NRG1: variants seen among roughly 807,000 people sequenced by gnomAD.
The protein encoded by NRG1 is pro-neuregulin-1, membrane-bound isoform.
A neutral mutation model predicts 63.8 loss-of-function variants in NRG1; 18 were observed. That is an observed-to-expected ratio of 0.28 (90% CI 0.19 to 0.42). The LOEUF is 0.42. NRG1 is among the 10% of genes least tolerant of loss of function. The pLI, the probability that NRG1 is intolerant of heterozygous loss-of-function variation, is 1.00. For synonymous variants in NRG1, 302 were observed against 301.3 expected, an observed-to-expected ratio of 1.00 and a Z score of -0.02; for missense variants, 762 against 814.7, an observed-to-expected ratio of 0.94 and a Z score of 0.79.
chr8:32,406,601 A>G (rs2129485063), intron 1 of NRG1, among the ~76,000 whole-genome samples: 1 of 152,264 alleles, frequency 6.6e-6, no homozygotes. Flanking sequence ...TTTAGAACAC[A>G]AAGCAAGTGG....
chr8:31,656,492 T>C (rs996916094), intron 1 of NRG1, among the ~76,000 whole-genome samples: 2 of 152,140 alleles, frequency 1.3e-5, no homozygotes, highest in African/African-American at 2.4e-5. Context: ...CGGTTAAGAT[T>C]GGGTTTTAGT....
In NRG1 at chr8:32,197,823, T is replaced by G. The variant is rs539937738; in HGVS notation, c.38-398005T>G. ...CTCCCTCTTCTGCATATTTTGAACT[T>G]GCAAAGCCTTCTGATATTTTAAGCA... On this transcript the variant is annotated intron_variant, in intron 1 of 10. Transcript: ENST00000519301. 7.2e-5 allele frequency among the ~76,000 whole-genome samples: 11 copies of G among 152,340 alleles called. No individual in the cohort carries two copies. The East Asian group carries it at 1.9e-3, about 27-fold the overall frequency.
intron 1 of NRG1, among the ~76,000 whole-genome samples, chr8:32,280,623 A>C (rs1008232504): frequency 1.4e-4 from 20 of 146,870 alleles, no homozygotes; most frequent in African/African-American, 4.8e-4. Flanking sequence ...GTGGTGAAAA[A>C]TTCTGGATAC....
chr8:32,678,195 T>C (rs2128910139), intron 5 of NRG1, among the ~76,000 whole-genome samples: 1 of 152,312 alleles, frequency 6.6e-6, no homozygotes, highest in South Asian at 2.1e-4. Flanking sequence ...AAGTAGAGTA[T>C]AAATTCACAT....
intron 1 of NRG1, among the ~76,000 whole-genome samples, chr8:31,920,879 GATAGGTAGATAGATAGATAGA>G (rs1833844916): frequency 8.4e-6 from 1 of 119,716 alleles, no homozygotes; most frequent in African/African-American, 3.0e-5. Flanking sequence ...TAGATAGATA[GATAGGTAGATAGATAGATAGA>G]TAGATAGATA....
chr8:32,729,045 G>A (rs1822981793), intron 6 of NRG1, among the ~76,000 whole-genome samples: 1 of 152,114 alleles, frequency 6.6e-6, no homozygotes, highest in Non-Finnish European at 1.5e-5. Flanking sequence ...TCCAGCCTGG[G>A]TGACAGAGCG....
At chr8:31,696,781 C>T (rs1810110243) in intron 1 of NRG1, among the ~76,000 whole-genome samples, 1 of 152,160 alleles carries the variant, frequency 6.6e-6, no homozygotes, top group Non-Finnish European at 1.5e-5. Context: ...TTAGTGACAG[C>T]TGGGACCAGA....
chr8:32,755,268 C>T (rs1211406454), intron 8 of NRG1, among the ~76,000 whole-genome samples: 1 of 152,180 alleles, frequency 6.6e-6, no homozygotes, highest in Non-Finnish European at 1.5e-5. Flanking sequence ...CTACATATAA[C>T]TTACATTTCA....
intron 1 of NRG1, among the ~76,000 whole-genome samples, chr8:32,490,950 C>T (rs1158514534): frequency 6.6e-6 from 1 of 152,080 alleles, no homozygotes; most frequent in Non-Finnish European, 1.5e-5. Context: ...TTTCTTGGTA[C>T]TTTTGGTCAT....
chr8:32,128,972 A>G (rs1466980109), intron 1 of NRG1, among the ~76,000 whole-genome samples: 1 of 151,908 alleles, frequency 6.6e-6, no homozygotes, highest in Non-Finnish European at 1.5e-5. Flanking sequence ...CTCATCCTCC[A>G]AATTTCAGCA....
chr8:32,604,346 T>C (rs906913515), intron 2 of NRG1, among the ~76,000 whole-genome samples: 6 of 152,120 alleles, frequency 3.9e-5, no homozygotes, highest in Admixed American at 3.9e-4. Context: ...AGGATACTAG[T>C]AGGAATTATA....
chr8:32,456,039 TC>T (rs771415111), intron 1 of NRG1, among the ~76,000 whole-genome samples: 2 of 152,198 alleles, frequency 1.3e-5, no homozygotes, highest in East Asian at 3.9e-4. Flanking sequence ...CCACTTGGTC[TC>T]CTGAGGGAAA....
chr8:31,792,477 C>G (rs1820810111), intron 1 of NRG1, among the ~76,000 whole-genome samples: 2 of 152,206 alleles, frequency 1.3e-5, no homozygotes, highest in South Asian at 4.1e-4. Flanking sequence ...CATTCCAAAT[C>G]ACATGACACA....
intron 1 of NRG1, among the ~76,000 whole-genome samples, chr8:31,842,004 C>G (rs983628789): frequency 6.6e-6 from 1 of 152,202 alleles, no homozygotes; most frequent in African/African-American, 2.4e-5. Context: ...CCCTCCTCCT[C>G]CTCCCCATTC....
At chr8:31,872,035 G>A (rs945311530) in intron 1 of NRG1, among the ~76,000 whole-genome samples, 2 of 152,070 alleles carry the variant, frequency 1.3e-5, no homozygotes, top group Admixed American at 1.3e-4. Flanking sequence ...AGATGCCCTT[G>A]GTCTCCCTTG....
chr8:32,647,558 C>A, intron 5 of NRG1: 1 of 985,334 alleles, frequency 1.0e-6, no homozygotes, highest in Non-Finnish European at 1.2e-6. Flanking sequence ...CTTTTCTTCC[C>A]CCCTTGCATC....
intron 1 of NRG1, among the ~76,000 whole-genome samples, chr8:32,423,565 A>G (rs1273000728): frequency 6.6e-6 from 1 of 151,998 alleles, no homozygotes; most frequent in African/African-American, 2.4e-5. Flanking sequence ...GGATTGCTTG[A>G]GCCCCAGGAA....
chr8:32,295,576 G>A (rs896581094), intron 1 of NRG1, among the ~76,000 whole-genome samples: 1 of 152,094 alleles, frequency 6.6e-6, no homozygotes, highest in Non-Finnish European at 1.5e-5. Context: ...TATGTTCTTT[G>A]CATGTTCTGA....
Position 32,319,144 on chromosome 8 carries a change from T to C in NRG1, c.38-276684T>C, listed in dbSNP as rs571472931. On this transcript the variant is annotated intron_variant, in intron 1 of 10. Coordinates refer to the NRG1 transcript ENST00000519301. ...AGATTATCCAGCAGTTGTGATCCCC[T>C]ATGCAGTGTCTATTTGTCTAGACTT... 5.9e-5 allele frequency among the ~76,000 whole-genome samples: 9 copies of C among 152,276 alleles called. No homozygotes were observed. The South Asian group carries it at 1.7e-3, about 28-fold the overall frequency.
Sources: allele counts gnomAD v4.1 joint callset (sites outside exome capture counted in the v4.1 genomes callset), GRCh38; gene constraint gnomAD v4.1.1; transcripts MANE v1.5; gene names NCBI Gene and HGNC (gene_info 2026-07-23, HGNC 2026-07-21).